Variants in ADGRL2 observed in about 807,000 individuals in gnomAD.
ADGRL2 encodes the protein adhesion G protein-coupled receptor L2.
Under a neutral mutation model 157.4 loss-of-function variants are expected in ADGRL2, and 44 were observed. That is an observed-to-expected ratio of 0.28 (90% CI 0.22 to 0.36). ADGRL2 has a LOEUF of 0.36. Ranked by LOEUF, ADGRL2 falls within the 10% of genes least tolerant of loss-of-function variation. ADGRL2 has a pLI of 1.00. For synonymous variants in ADGRL2, 585 were observed against 624.7 expected (o/e 0.94, Z 0.95); for missense variants, 1,510 against 1,768.9 (o/e 0.85, Z 2.63).
chr1:81,946,316 C>A (rs1572286451), intron 6 of ADGRL2, among the ~76,000 whole-genome samples: 1 of 150,678 alleles, frequency 6.6e-6, no homozygotes, highest in African/African-American at 2.4e-5. Flanking sequence ...TAAAAGCACA[C>A]GCATATTATT....
intron 1 of ADGRL2, among the ~76,000 whole-genome samples, chr1:81,753,702 G>T (rs922206589): frequency 4.6e-5 from 7 of 152,228 alleles, no homozygotes; most frequent in African/African-American, 7.2e-5. Flanking sequence ...TAAAAATTTA[G>T]ATTAGAATGT....
Position 81,943,489 on chromosome 1 carries a change from C to T in ADGRL2, c.930C>T (p.Tyr310=), listed in dbSNP as rs546648269. 1.5e-5 allele frequency: 25 copies of T among 1,613,758 alleles called. No homozygotes were observed. The highest frequency in any genetic ancestry group is 6.7e-5 in the East Asian group (3 of 44,852). The stretch of plus-strand genomic sequence containing the variant: ...TTGAAGCAACGTGGGAGACTGTATA[C>T]GACAAACGTGCCGCATCAAATGCTT... ...LRFEATWETV[Y]DKRAASNAFM... Residue 310 remains tyrosine (Y), a synonymous_variant, in exon 6 of 24, where the codon TAC becomes TAT. Coordinates refer to ENST00000686636, the MANE Select transcript of ADGRL2 (RefSeq NM_001366006.2). This position sits in a 1 kb window ranked among gnomAD's most constrained non-coding sequence, Gnocchi z 5.6.
At chr1:81,450,357 G>T (rs2077680931) in intron 2 of ADGRL2, among the ~76,000 whole-genome samples, 1 of 152,108 alleles carries the variant, frequency 6.6e-6, no homozygotes, top group Admixed American at 6.6e-5. Context: ...TTGTGTACCT[G>T]CCATCCTGTT....
chr1:81,502,126 C>T (rs897695289), intron 2 of ADGRL2: 1 of 1,598,722 alleles, frequency 6.3e-7, no homozygotes, highest in Non-Finnish European at 8.5e-7. Flanking sequence ...AGAAAGAAAC[C>T]CAGGCTGCTT....
intron 2 of ADGRL2, among the ~76,000 whole-genome samples, chr1:81,534,948 C>T (rs2079697385): frequency 6.6e-6 from 1 of 152,158 alleles, no homozygotes; most frequent in Admixed American, 6.5e-5. Context: ...ATTTCGATGA[C>T]AAGAACATCC....
intron 2 of ADGRL2, among the ~76,000 whole-genome samples, chr1:81,460,384 T>C (rs1378646392): frequency 6.6e-6 from 1 of 152,014 alleles, no homozygotes; most frequent in Non-Finnish European, 1.5e-5. Context: ...CATTTTATTT[T>C]TAAAAAAAGA....
intron 2 of ADGRL2, among the ~76,000 whole-genome samples, chr1:81,477,916 C>A (rs531467453): frequency 8.6e-5 from 13 of 152,018 alleles, no homozygotes; most frequent in South Asian, 2.1e-4. Flanking sequence ...CTGGCTGCAG[C>A]GTCATCTTGT....
chr1:81,814,336 A>G (rs920064984), intron 1 of ADGRL2, among the ~76,000 whole-genome samples: 2 of 143,774 alleles, frequency 1.4e-5, no homozygotes, highest in Non-Finnish European at 3.1e-5. Context: ...GCTATTATGA[A>G]TAGTATATAT....
chr1:81,943,260 T>G lies in ADGRL2; in HGVS notation c.701T>G (p.Val234Gly). The G allele has an allele frequency of 6.2e-7, 1 of 1,613,568 alleles. No homozygotes were observed. Among genetic ancestry groups the G allele is most frequent in the South Asian group, 1.1e-5 (1 of 91,066 alleles). The change falls in exon 6 of 24, where the codon GTG becomes GGG. Residue 234 changes from valine (V) to glycine (G), a missense_variant. This residue lies in a region of ADGRL2 where 361 missense variants were observed against 498.4 expected (regional missense o/e 0.72). Coordinates refer to ENST00000686636, the MANE Select transcript of ADGRL2 (RefSeq NM_001366006.2). This position sits in a 1 kb window ranked among gnomAD's most constrained non-coding sequence, Gnocchi z 5.6. The part of the protein sequence containing the change: ...FFNKERTRNI[V>G]KFDLRTRIKS... ...AACAAAGAAAGAACGAGGAATATTG[T>G]GAAATTTGACTTGAGGACTAGAATT...
intron 1 of ADGRL2, among the ~76,000 whole-genome samples, chr1:81,332,924 T>G (rs1301661732): frequency 1.3e-5 from 2 of 152,216 alleles, no homozygotes; most frequent in Admixed American, 1.3e-4. Context: ...TGTATCATAA[T>G]AAGACTGTGA....
At chr1:81,602,044 A>G (rs1410387150) in intron 3 of ADGRL2, among the ~76,000 whole-genome samples, 1 of 152,210 alleles carries the variant, frequency 6.6e-6, no homozygotes, top group Non-Finnish European at 1.5e-5. Context: ...TACAAGCTGC[A>G]AACACAAATG....
Position 81,647,297 on chromosome 1 carries a change from C to T in ADGRL2, c.-143+66317C>T, listed in dbSNP as rs568842572. On this transcript the variant is annotated intron_variant, in intron 3 of 24. Coordinates refer to the ADGRL2 transcript ENST00000370721. ...CAGAATTTTGAATGTGATGAGACTTCACCTTATTTAAAGAAGCAGGTTATC... is the reference window on the plus strand; with the variant it reads ...CAGAATTTTGAATGTGATGAGACTTTACCTTATTTAAAGAAGCAGGTTATC... Among the ~76,000 whole-genome samples the T allele has an allele frequency of 4.4e-4, 67 of 152,236 alleles. 1 individual carries two copies. The highest frequency in any genetic ancestry group is 8.7e-4 in the Non-Finnish European group (59 of 68,010).
At chr1:81,398,764 T>C (rs1332688232) in intron 1 of ADGRL2, among the ~76,000 whole-genome samples, 1 of 151,678 alleles carries the variant, frequency 6.6e-6, no homozygotes, top group Non-Finnish European at 1.5e-5. Context: ...CTGAGAAGTC[T>C]GCTGACAGTC....
chr1:81,524,592 C>T (rs1167968517), intron 2 of ADGRL2, among the ~76,000 whole-genome samples: 1 of 151,514 alleles, frequency 6.6e-6, no homozygotes, highest in Non-Finnish European at 1.5e-5. Flanking sequence ...AATGGAACAA[C>T]CATATAATGT....
intron 17 of ADGRL2, among the ~76,000 whole-genome samples, chr1:81,976,917 CTTCAA>C (rs1392790452): frequency 2.6e-5 from 4 of 151,808 alleles, no homozygotes; most frequent in Admixed American, 6.6e-5. Flanking sequence ...ATTTATTTAT[CTTCAA>C]TTCATTCATC....
At chr1:81,806,117 C>T (rs935175265) in intron 1 of ADGRL2, among the ~76,000 whole-genome samples, 8 of 152,024 alleles carry the variant, frequency 5.3e-5, no homozygotes, top group Non-Finnish European at 1.0e-4. Flanking sequence ...TTGGGGAAAT[C>T]AGAATATTGA....
intron 3 of ADGRL2, among the ~76,000 whole-genome samples, chr1:81,660,443 C>A (rs147979847): frequency 6.9e-4 from 105 of 152,228 alleles, no homozygotes; most frequent in African/African-American, 2.5e-3. Context: ...ATAAAACCAG[C>A]AACCTTACCC....
intron 2 of ADGRL2, among the ~76,000 whole-genome samples, chr1:81,838,830 C>T (rs1032521843): frequency 1.3e-5 from 2 of 151,982 alleles, no homozygotes; most frequent in Middle Eastern, 3.2e-3. Context: ...TTCATATCTG[C>T]TGTTAGGAGA....
intron 3 of ADGRL2, among the ~76,000 whole-genome samples, chr1:81,691,285 GA>G (rs1267437483): frequency 6.6e-6 from 1 of 151,306 alleles, no homozygotes; most frequent in African/African-American, 2.4e-5. Context: ...TTAGTTCTGG[GA>G]CTCATCTTTA....
Sources: gnomAD v4.1 joint callset for allele counts (sites outside exome capture counted in the v4.1 genomes callset) on GRCh38, gnomAD v4.1.1 for gene constraint, gnomAD v4.1.1 regional missense constraint, Gnocchi (gnomAD v3.1) non-coding constraint, MANE v1.5 for transcripts, NCBI Gene and HGNC (gene_info 2026-07-23, HGNC 2026-07-21) for gene names.